KLHL20: variants seen among roughly 807,000 people sequenced by gnomAD.
KLHL20 encodes the protein kelch-like protein 20.
Under a neutral mutation model 69.5 loss-of-function variants are expected in KLHL20, and 29 were observed. The ratio of observed to expected loss-of-function variants is 0.42; its 90% CI spans 0.31 to 0.57. The LOEUF (loss-of-function observed/expected upper bound fraction) is 0.57. Ranked by LOEUF, KLHL20 falls within the 20% of genes least tolerant of loss-of-function variation. The pLI is 0.18. For missense variants in KLHL20, 419 were observed against 776.0 expected (o/e 0.54, Z 5.47); for synonymous variants, 253 against 265.2 (o/e 0.95, Z 0.45).
chr1:173,764,880 TAAAG>T (rs143090266), intron 7 of KLHL20, among the ~76,000 whole-genome samples: 34,953 of 151,636 alleles, frequency 0.23, 4,398 homozygotes, highest in Middle Eastern at 0.39. Flanking sequence ...TATGGAAAAA[TAAAG>T]AACACATCCC....
chr1:173,738,846 C>G (rs1185343064), intron 3 of KLHL20, among the ~76,000 whole-genome samples: 1 of 152,160 alleles, frequency 6.6e-6, no homozygotes, highest in Non-Finnish European at 1.5e-5. Context: ...ATGAAACCCA[C>G]TTGATCATGG....
intron 2 of KLHL20, among the ~76,000 whole-genome samples, chr1:173,718,008 C>T (rs1003077998): frequency 6.6e-6 from 1 of 152,166 alleles, no homozygotes; most frequent in Non-Finnish European, 1.5e-5. Flanking sequence ...CCAAAGGCAA[C>T]CACTGTAAGC....
At chr1:173,735,450 CAAAA>C (rs60081642) in intron 3 of KLHL20, among the ~76,000 whole-genome samples, 2 of 108,078 alleles carry the variant, frequency 1.9e-5, no homozygotes, top group Admixed American at 1.0e-4. Context: ...GACCCTATCT[CAAAA>C]AAAAAAAAAA....
intron 2 of KLHL20, among the ~76,000 whole-genome samples, chr1:173,729,021 C>T (rs1204845072): frequency 6.6e-6 from 1 of 152,006 alleles, no homozygotes; most frequent in African/African-American, 2.4e-5. Context: ...CAAATAGACG[C>T]AATAAAAAAT....
At chr1:173,751,351 AC>A (rs1374100403) in intron 3 of KLHL20, among the ~76,000 whole-genome samples, 1 of 151,858 alleles carries the variant, frequency 6.6e-6, no homozygotes, top group Admixed American at 6.6e-5. Flanking sequence ...AATTGCTGAC[AC>A]TCTTATTCTT....
At chr1:173,732,817 C>T (rs1450950281) in intron 2 of KLHL20, among the ~76,000 whole-genome samples, 1 of 152,146 alleles carries the variant, frequency 6.6e-6, no homozygotes, top group Non-Finnish European at 1.5e-5. Flanking sequence ...AGCAATTCAA[C>T]ATATGTAGTA....
chr1:173,728,541 G>A (rs960018360), intron 2 of KLHL20, among the ~76,000 whole-genome samples: 20 of 152,106 alleles, frequency 1.3e-4, no homozygotes, highest in African/African-American at 3.4e-4. Flanking sequence ...ATAACAAACT[G>A]TCTCTCAGAC....
chr1:173,766,760 C>G (rs1276719220), intron 8 of KLHL20, among the ~76,000 whole-genome samples: 2 of 151,544 alleles, frequency 1.3e-5, no homozygotes. Flanking sequence ...ATCTTAAAGT[C>G]TAGGAAAATG....
chr1:173,782,347 G>A, intron 11 of KLHL20, 117 bp downstream of exon 11: 1 of 640,208 alleles, frequency 1.6e-6, no homozygotes. Flanking sequence ...TTTGAAGAGG[G>A]CTGAAGTTAC....
At chr1:173,744,671 T>C (rs959031224) in intron 3 of KLHL20, among the ~76,000 whole-genome samples, 1 of 152,198 alleles carries the variant, frequency 6.6e-6, no homozygotes, top group Non-Finnish European at 1.5e-5. Flanking sequence ...TTTTTCCAAA[T>C]GGCCATCTAG....
At chr1:173,763,338 C>T (rs1647443538) in intron 7 of KLHL20, among the ~76,000 whole-genome samples, 1 of 152,028 alleles carries the variant, frequency 6.6e-6, no homozygotes, top group Non-Finnish European at 1.5e-5. Context: ...TCAATGCAAT[C>T]ACCATCAGAA....
intron 10 of KLHL20, among the ~76,000 whole-genome samples, chr1:173,781,265 AG>A (rs1437287955): frequency 3.3e-5 from 5 of 152,152 alleles, no homozygotes; most frequent in African/African-American, 1.2e-4. Flanking sequence ...TAACATAATA[AG>A]GACTTTAAAA....
chr1:173,725,334 T>A (rs1177024525), intron 2 of KLHL20, among the ~76,000 whole-genome samples: 2 of 152,180 alleles, frequency 1.3e-5, no homozygotes, highest in African/African-American at 2.4e-5. Context: ...GCTTCTTGAT[T>A]TTGAGTAAGT....
chr1:173,765,515 A>AAG (rs1647644025), intron 7 of KLHL20, among the ~76,000 whole-genome samples: 1 of 152,182 alleles, frequency 6.6e-6, no homozygotes, highest in African/African-American at 2.4e-5. Context: ...AAAAAAAAAA[A>AAG]ATTAAGCATA....
chr1:173,746,966 C>T (rs2102492062), intron 3 of KLHL20, among the ~76,000 whole-genome samples: 1 of 151,820 alleles, frequency 6.6e-6, no homozygotes, highest in African/African-American at 2.4e-5. Flanking sequence ...TTCTGTAACT[C>T]AAAAGCTATT....
chr1:173,749,903 T>C (rs1469225454), intron 3 of KLHL20, among the ~76,000 whole-genome samples: 3 of 152,216 alleles, frequency 2.0e-5, no homozygotes, highest in Non-Finnish European at 2.9e-5. Context: ...ATGCACTTAC[T>C]AGAGCTAAGC....
chr1:173,756,972 C>A lies in KLHL20; in HGVS notation c.968-4C>A. ...TCTCTTGACCATTTCTGTTACTTCCCCAGTTGGTGGTTGGTGCAGTGGAGA... is the reference window on the plus strand; with the variant it reads ...TCTCTTGACCATTTCTGTTACTTCCACAGTTGGTGGTTGGTGCAGTGGAGA... On this transcript the variant is annotated splice_polypyrimidine_tract_variant and splice_region_variant and intron_variant, in intron 6 of 11. Coordinates refer to ENST00000209884, the MANE Select transcript of KLHL20 (RefSeq NM_014458.4). 1 of 1,612,076 alleles carries A rather than the reference C, an allele frequency of 6.2e-7. No homozygotes were observed. Among genetic ancestry groups the A allele is most frequent in the Non-Finnish European group, 8.5e-7 (1 of 1,178,750 alleles).
chr1:173,736,891 C>T (rs559042452), intron 3 of KLHL20, among the ~76,000 whole-genome samples: 49 of 152,232 alleles, frequency 3.2e-4, no homozygotes, highest in African/African-American at 8.9e-4. Flanking sequence ...CCACCGCACC[C>T]GGCCTATGTT....
chr1:173,753,326 G>A lies in KLHL20; in HGVS notation c.851+19G>A. The stretch of plus-strand genomic sequence containing the variant: ...AATGCAGGTATGAGTGACCCTGGAT[G>A]GGAAAAATCAACAACTAAGCATTCC... On this transcript the variant is annotated intron_variant, in intron 5 of 11. Transcript: ENST00000209884. 1 of 1,570,846 alleles carries A rather than the reference G, an allele frequency of 6.4e-7. No homozygotes were observed. The highest frequency in any genetic ancestry group is 1.7e-4 in the Middle Eastern group (1 of 5,962).
Sources: allele counts gnomAD v4.1 joint callset (sites outside exome capture counted in the v4.1 genomes callset), GRCh38; gene constraint gnomAD v4.1.1; transcripts MANE v1.5; gene names NCBI Gene and HGNC (gene_info 2026-07-23, HGNC 2026-07-21).